Variants in MRM1 observed in about 807,000 individuals in gnomAD.
MRM1 encodes the protein rRNA methyltransferase 1, mitochondrial.
In MRM1, 24 loss-of-function variants were observed where a neutral mutation model predicts 25.0. That is an observed-to-expected ratio of 0.96 (90% CI 0.69 to 1.35). The LOEUF (loss-of-function observed/expected upper bound fraction) is 1.35. MRM1 is among the 40% of genes most tolerant of loss of function. The pLI is 0.00. For synonymous variants in MRM1, 188 were observed against 199.2 expected (o/e 0.94, Z 0.47); for missense variants, 431 against 464.1 (o/e 0.93, Z 0.65).
the MRM1 span, among the ~76,000 whole-genome samples, chr17:36,632,061 G>A: frequency 6.6e-6 from 1 of 152,132 alleles, no homozygotes; most frequent in African/African-American, 2.4e-5. Context: ...TGCTATGTTG[G>A]CCAGGCTGGT....
At chr17:36,624,125 C>T in the MRM1 span, among the ~76,000 whole-genome samples, 6 of 152,174 alleles carry the variant, frequency 3.9e-5, no homozygotes, top group Non-Finnish European at 7.4e-5. The surrounding 1 kb of genome is among the most constrained non-coding windows in gnomAD (Gnocchi z 4.0). Context: ...AAACAAGCAC[C>T]GCCACCTCCC....
At chr17:36,613,911 G>C (rs1054189319), downstream of MRM1, among the ~76,000 whole-genome samples, 5 of 151,952 alleles carry the variant, frequency 3.3e-5, no homozygotes, top group Non-Finnish European at 7.4e-5. Context: ...CACTTACCCT[G>C]ATTGAGCCTC....
In MRM1 at chr17:36,608,750, T is replaced by G; in HGVS notation, c.*335T>G. 3.6e-6 allele frequency: 1 copy of G among 274,108 alleles called. No individual in the cohort carries two copies. The allele number at this position is 274,108 out of a possible 1,614,324, so 17.0% of individuals were successfully genotyped here. On this transcript the variant is annotated 3_prime_UTR_variant, in exon 5 of 5. Transcript: ENST00000614766. ...CAGGCAGCCCAGCCCAGGGGACCCGTTCCTCTTGAACCAGTCATTGCCTGT... is the reference window on the plus strand; with the variant it reads ...CAGGCAGCCCAGCCCAGGGGACCCGGTCCTCTTGAACCAGTCATTGCCTGT...
At chr17:36,629,230 C>T in the MRM1 span, among the ~76,000 whole-genome samples, 3 of 152,208 alleles carry the variant, frequency 2.0e-5, no homozygotes, top group Non-Finnish European at 4.4e-5. Context: ...GCAGTGTCAT[C>T]CTACATTCTC....
chr17:36,617,104 G>C, the MRM1 span, among the ~76,000 whole-genome samples: 1 of 152,084 alleles, frequency 6.6e-6, no homozygotes, highest in African/African-American at 2.4e-5. Flanking sequence ...TTTCCCACTG[G>C]CTTTAGGTGG....
At chr17:36,610,683 G>A (rs2074971617), downstream of MRM1, among the ~76,000 whole-genome samples, 3 of 152,236 alleles carry the variant, frequency 2.0e-5, no homozygotes, top group African/African-American at 4.8e-5. Flanking sequence ...TTGGCCAAGT[G>A]CCTAGTGTAG....
intron 2 of MRM1, among the ~76,000 whole-genome samples, chr17:36,605,296 C>G (rs956406257): frequency 1.3e-5 from 2 of 151,984 alleles, no homozygotes; most frequent in African/African-American, 4.8e-5. Context: ...GTTGGAGATA[C>G]AGGTGCACAC....
the MRM1 span, among the ~76,000 whole-genome samples, chr17:36,622,423 T>G: frequency 6.6e-6 from 1 of 151,940 alleles, no homozygotes; most frequent in Admixed American, 6.5e-5. Flanking sequence ...AATACAAAAA[T>G]TAGCTGGGCA....
chr17:36,626,045 G>A, the MRM1 span, among the ~76,000 whole-genome samples: 2 of 150,942 alleles, frequency 1.3e-5, no homozygotes, highest in Non-Finnish European at 2.9e-5. Flanking sequence ...CCTTGCGTCT[G>A]TGTCAGGTGC....
chr17:36,621,521 C>T, the MRM1 span, among the ~76,000 whole-genome samples: 3 of 152,204 alleles, frequency 2.0e-5, no homozygotes, highest in African/African-American at 7.2e-5. Flanking sequence ...CAGCCCTGCA[C>T]CTTGTGCCCC....
chr17:36,622,726 G>A, the MRM1 span, among the ~76,000 whole-genome samples: 3 of 152,160 alleles, frequency 2.0e-5, no homozygotes, highest in Admixed American at 6.5e-5. Flanking sequence ...TGGAGAGAGC[G>A]GACTAAGAGA....
chr17:36,623,260 G>A, the MRM1 span, among the ~76,000 whole-genome samples: 2 of 152,180 alleles, frequency 1.3e-5, no homozygotes, highest in Non-Finnish European at 2.9e-5. Flanking sequence ...CAGTTTGGTT[G>A]TGTTAATTAT....
At chr17:36,628,990 C>T in the MRM1 span, among the ~76,000 whole-genome samples, 1 of 152,032 alleles carries the variant, frequency 6.6e-6, no homozygotes, top group Non-Finnish European at 1.5e-5. Flanking sequence ...ACAGATTGAG[C>T]AAGGCATGGA....
chr17:36,634,115 C>A, the MRM1 span: 1 of 152,256 alleles, frequency 6.6e-6, no homozygotes, highest in Non-Finnish European at 1.5e-5. Context: ...CATGGGCCAC[C>A]AACTACATCC....
intron 4 of MRM1, 70 bp downstream of exon 4, chr17:36,608,088 C>A: frequency 4.5e-6 from 7 of 1,570,104 alleles, no homozygotes; most frequent in Non-Finnish European, 6.1e-6. Flanking sequence ...GCCCTCTAAT[C>A]CCATTTGCTG....
Position 36,601,635 on chromosome 17 carries a change from T to C in MRM1, c.-176T>C. ...GAGCCTGGGAGCGGGTGGTCGTAGC[T>C]CGGTAGTCCAGTTGTGGGTAATCGG... is the stretch of plus-strand genomic sequence containing the variant. On this transcript the variant is annotated 5_prime_UTR_variant, in exon 1 of 5. Transcript: ENST00000614766. 1.6e-6 allele frequency: 1 copy of C among 630,034 alleles called. No homozygotes were observed. The allele number at this position is 630,034 out of a possible 1,614,324, so 39.0% of individuals were successfully genotyped here.
the MRM1 span, among the ~76,000 whole-genome samples, chr17:36,618,284 G>A: frequency 6.6e-6 from 1 of 152,164 alleles, no homozygotes; most frequent in Non-Finnish European, 1.5e-5. Context: ...CATTCATCAA[G>A]TATTTATTGA....
At chr17:36,616,197 G>A in the MRM1 span, among the ~76,000 whole-genome samples, 1 of 152,194 alleles carries the variant, frequency 6.6e-6, no homozygotes, top group African/African-American at 2.4e-5. Flanking sequence ...TCACAATGAT[G>A]CATGAACAAG....
chr17:36,614,267 C>T, the MRM1 span, among the ~76,000 whole-genome samples: 2 of 152,056 alleles, frequency 1.3e-5, no homozygotes, highest in Non-Finnish European at 2.9e-5. Flanking sequence ...TGCAGCTTCC[C>T]TGTTTCATTA....
Sources: allele counts gnomAD v4.1 joint callset (sites outside exome capture counted in the v4.1 genomes callset), GRCh38; gene constraint gnomAD v4.1.1; non-coding constraint Gnocchi (gnomAD v3.1); transcripts MANE v1.5; gene names NCBI Gene and HGNC (gene_info 2026-07-23, HGNC 2026-07-21).